MYO3B: variants seen among roughly 807,000 people sequenced by gnomAD.
MYO3B encodes myosin-IIIb.
Under a neutral mutation model 174.6 loss-of-function variants are expected in MYO3B, and 156 were observed. That is an observed-to-expected ratio of 0.89 (90% CI 0.78 to 1.02). The LOEUF (loss-of-function observed/expected upper bound fraction) is 1.02. Ranked by LOEUF, MYO3B falls within the 50% of genes least tolerant of loss-of-function variation. The pLI is 0.00. For missense variants in MYO3B, 1,632 were observed against 1,639.4 expected (o/e 1.00, Z 0.08); for synonymous variants, 563 against 569.1 (o/e 0.99, Z 0.15).
Position 170,441,657 on chromosome 2 carries a change from T to C in MYO3B, c.2651-2310T>C, listed in dbSNP as rs143001510. Among the ~76,000 whole-genome samples, 649 of 152,352 alleles carry C rather than the reference T, an allele frequency of 4.3e-3. 4 individuals are homozygous for C. The highest frequency in any genetic ancestry group is 0.015 in the African/African-American group (634 of 41,590). On this transcript the variant is annotated intron_variant, in intron 22 of 34. Coordinates refer to ENST00000408978, the MANE Select transcript of MYO3B (RefSeq NM_138995.5). ...TTCTGGGAAAAGGGTGGTCAATTCCTGGAACTGAGGGGTCCTCCCCCTTTT... is the reference window on the plus strand; with the variant it reads ...TTCTGGGAAAAGGGTGGTCAATTCCCGGAACTGAGGGGTCCTCCCCCTTTT...
At chr2:170,189,409 AT>A (rs2092511854) in intron 1 of MYO3B, among the ~76,000 whole-genome samples, 1 of 152,066 alleles carries the variant, frequency 6.6e-6, no homozygotes, top group Non-Finnish European at 1.5e-5. Flanking sequence ...TTGAATAAAC[AT>A]TCTACCCCTT....
At chr2:170,436,250 G>A (rs1212825016) in intron 22 of MYO3B, among the ~76,000 whole-genome samples, 1 of 152,200 alleles carries the variant, frequency 6.6e-6, no homozygotes, top group Non-Finnish European at 1.5e-5. Context: ...GCTGGGAGGA[G>A]GCTGTCTAGG....
At chr2:170,617,050 A>G (rs867653967) in intron 32 of MYO3B, among the ~76,000 whole-genome samples, 7 of 152,178 alleles carry the variant, frequency 4.6e-5, no homozygotes, top group South Asian at 2.1e-4. Context: ...TGATTAGCCA[A>G]TTTTTGATCA....
chr2:170,634,562 A>G (rs1697299499), intron 32 of MYO3B, among the ~76,000 whole-genome samples: 1 of 152,268 alleles, frequency 6.6e-6, no homozygotes, highest in Non-Finnish European at 1.5e-5. Flanking sequence ...GGCATGGGCA[A>G]GGACTTCATG....
At chr2:170,254,329 C>T (rs2093284127) in intron 7 of MYO3B, among the ~76,000 whole-genome samples, 3 of 152,252 alleles carry the variant, frequency 2.0e-5, no homozygotes, top group South Asian at 4.1e-4. Context: ...AGCAAAACAC[C>T]GTAGACGCCC....
chr2:170,354,877 T>A (rs1319441716), intron 8 of MYO3B, among the ~76,000 whole-genome samples: 1 of 149,536 alleles, frequency 6.7e-6, no homozygotes, highest in Non-Finnish European at 1.5e-5. Flanking sequence ...TCATTCCCTT[T>A]CCTAAAGAAG....
At chr2:170,255,762 A>G (rs2105339678) in intron 7 of MYO3B, among the ~76,000 whole-genome samples, 1 of 152,340 alleles carries the variant, frequency 6.6e-6, no homozygotes, top group South Asian at 2.1e-4. Flanking sequence ...CCTTACCTAT[A>G]AAGTATTGTA....
intron 7 of MYO3B, among the ~76,000 whole-genome samples, chr2:170,329,593 C>T (rs1411146119): frequency 6.7e-6 from 1 of 149,218 alleles, no homozygotes; most frequent in Non-Finnish European, 1.5e-5. Context: ...GGGGTTTCAC[C>T]ATGTTGGCCA....
intron 7 of MYO3B, among the ~76,000 whole-genome samples, chr2:170,252,602 T>C (rs1478357451): frequency 2.0e-5 from 3 of 152,168 alleles, no homozygotes; most frequent in African/African-American, 7.2e-5. Context: ...CCTGTCCTCT[T>C]GGAGCTTACA....
At chr2:170,379,711 T>C (rs13385020) in intron 9 of MYO3B, among the ~76,000 whole-genome samples, 97,654 of 152,042 alleles carry the variant, frequency 0.64, 32,451 homozygotes, top group Non-Finnish European at 0.73. Flanking sequence ...AATAATTCTG[T>C]TTAATAATTT....
chr2:170,233,111 C>T (rs901487755), intron 6 of MYO3B, among the ~76,000 whole-genome samples: 45 of 152,178 alleles, frequency 3.0e-4, no homozygotes, highest in Non-Finnish European at 4.4e-4. Context: ...TGAATTTCTC[C>T]GCAAAAGTTC....
intron 7 of MYO3B, among the ~76,000 whole-genome samples, chr2:170,251,207 C>A (rs924504680): frequency 2.0e-5 from 3 of 151,922 alleles, no homozygotes; most frequent in Non-Finnish European, 4.4e-5. Context: ...TTCTTTGATT[C>A]TTTACTGCAA....
rs760427310 is a variant in MYO3B, at chr2:170,401,606, G to T, written c.2044G>T (p.Ala682Ser). 1 of 1,614,078 alleles carries T rather than the reference G, an allele frequency of 6.2e-7. No individual in the cohort carries two copies. Among genetic ancestry groups the T allele is most frequent in the Non-Finnish European group, 8.5e-7 (1 of 1,180,006 alleles). ...AGACAGGGCTGCGGACGTTCGAGACGCCATGTCCAAAGCCCTGTATGGGAG... is the reference window on the plus strand; with the variant it reads ...AGACAGGGCTGCGGACGTTCGAGACTCCATGTCCAAAGCCCTGTATGGGAG... Reference protein sequence around the residue: ...TVDRAADVRDAMSKALYGRLF... With the variant: ...TVDRAADVRDSMSKALYGRLF... Residue 682 changes from alanine (A) to serine (S), a missense_variant, in exon 18 of 35, where the codon GCC (alanine) becomes TCC (serine). Physicochemically the swap from Ala to Ser is moderately conservative, Grantham distance 99. Transcript: ENST00000408978.
chr2:170,281,454 A>G (rs2093509935), intron 7 of MYO3B, among the ~76,000 whole-genome samples: 1 of 152,214 alleles, frequency 6.6e-6, no homozygotes. Flanking sequence ...AGGATTCAAG[A>G]CTAAGCAAAT....
chr2:170,263,452 C>T (rs1279962550), intron 7 of MYO3B, among the ~76,000 whole-genome samples: 3 of 152,032 alleles, frequency 2.0e-5, no homozygotes, highest in Admixed American at 2.0e-4. Flanking sequence ...TGAATTCCCT[C>T]AGTATTTATT....
chr2:170,631,533 T>C (rs552667046), intron 32 of MYO3B, among the ~76,000 whole-genome samples: 129 of 151,714 alleles, frequency 8.5e-4, no homozygotes, highest in African/African-American at 3.1e-3. Context: ...ACATTCAAAT[T>C]CAGGAAATAC....
intron 23 of MYO3B, among the ~76,000 whole-genome samples, chr2:170,447,582 C>T (rs149655085): frequency 1.5e-3 from 232 of 152,210 alleles, no homozygotes; most frequent in African/African-American, 5.0e-3. Context: ...TTACTGATAC[C>T]GTGCTTTCAG....
At chr2:170,629,347 G>A (rs1251038978) in intron 32 of MYO3B, among the ~76,000 whole-genome samples, 1 of 152,102 alleles carries the variant, frequency 6.6e-6, no homozygotes, top group Non-Finnish European at 1.5e-5. Context: ...CTGTATCTGA[G>A]GCTACAGAGT....
intron 30 of MYO3B, among the ~76,000 whole-genome samples, chr2:170,532,446 A>G (rs949424097): frequency 2.6e-5 from 4 of 152,222 alleles, no homozygotes; most frequent in African/African-American, 9.6e-5. Flanking sequence ...GATTTTGATC[A>G]TTGTATTCTG....
Sources: allele counts gnomAD v4.1 joint callset (sites outside exome capture counted in the v4.1 genomes callset), GRCh38; gene constraint gnomAD v4.1.1; transcripts MANE v1.5; gene names NCBI Gene and HGNC (gene_info 2026-07-23, HGNC 2026-07-21).